Variants in TRPC6 observed in about 807,000 individuals in gnomAD.
TRPC6 encodes transient receptor potential cation channel subfamily C member 6.
In TRPC6, 55 loss-of-function variants were observed where a neutral mutation model predicts 90.7. The observed-to-expected ratio is 0.61, with a 90% CI of 0.49 to 0.76. The LOEUF is 0.76. Ranked by LOEUF, TRPC6 falls within the 30% of genes least tolerant of loss-of-function variation. TRPC6 has a pLI of 0.00. For synonymous variants in TRPC6, 393 were observed against 393.0 expected (o/e 1.00, Z 0.00); for missense variants, 989 against 1,122.7 (o/e 0.88, Z 1.70).
chr11:101,578,996 A>G (rs2136901858), intron 1 of TRPC6, among the ~76,000 whole-genome samples: 1 of 152,204 alleles, frequency 6.6e-6, no homozygotes, highest in African/African-American at 2.4e-5. Context: ...TTACAATAAT[A>G]TTGGTATACT....
At position 101,526,440 on chromosome 11, in the gene TRPC6, GTCAAGA is replaced by G. The variant is rs1860781060; in HGVS notation, c.171-21648_171-21643del. Among the ~76,000 whole-genome samples the G allele has an allele frequency of 1.3e-5, 2 of 152,132 alleles. 1 individual carries two copies. Among genetic ancestry groups the G allele is most frequent in the South Asian group, 4.1e-4 (2 of 4,832 alleles). ...TTTAGTTTCTCTTCCTTCTTTTAAA[GTCAAGA>G]TCAATAAGTATAGTTGTTTTCTTAC... On this transcript the variant is annotated intron_variant, in intron 1 of 12. Transcript: ENST00000344327.
chr11:101,575,940 T>G (rs1167909899), intron 1 of TRPC6, among the ~76,000 whole-genome samples: 1 of 152,114 alleles, frequency 6.6e-6, no homozygotes, highest in East Asian at 1.9e-4. Context: ...GTGAGTGCGC[T>G]TTTGAAGAGC....
At chr11:101,548,356 AT>A (rs1429488479) in intron 1 of TRPC6, among the ~76,000 whole-genome samples, 2 of 142,806 alleles carry the variant, frequency 1.4e-5, no homozygotes, top group Non-Finnish European at 3.0e-5. Flanking sequence ...TAATTATATA[AT>A]TATATCTTAT....
At chr11:101,499,953 G>GTATATATATACACAGTATAAAATGTGTA (rs1860066423) in intron 2 of TRPC6, among the ~76,000 whole-genome samples, 2 of 84,972 alleles carry the variant, frequency 2.4e-5, no homozygotes, top group Admixed American at 1.1e-4. Flanking sequence ...TATAAAATGT[G>GTATATATATACACAGTATAAAATGTGTA]TATATATATA....
chr11:101,512,975 G>A (rs7927859), intron 1 of TRPC6, among the ~76,000 whole-genome samples: 74,219 of 152,016 alleles, frequency 0.49, 18,508 homozygotes, highest in African/African-American at 0.55. Flanking sequence ...AACTCTAGGA[G>A]TATGTGTGCA....
At chr11:101,574,488 CA>C (rs1253707824) in intron 1 of TRPC6, among the ~76,000 whole-genome samples, 1 of 151,166 alleles carries the variant, frequency 6.6e-6, no homozygotes, top group Admixed American at 6.6e-5. Flanking sequence ...ATATGGTATT[CA>C]TTGGTTACCC....
chr11:101,457,306 AT>A (rs539440617), intron 10 of TRPC6, among the ~76,000 whole-genome samples: 2 of 152,070 alleles, frequency 1.3e-5, no homozygotes, highest in Non-Finnish European at 2.9e-5. Flanking sequence ...CTTCTACCAC[AT>A]TTTATGCATT....
At chr11:101,484,420 A>G (rs2136693239) in intron 4 of TRPC6, among the ~76,000 whole-genome samples, 1 of 152,316 alleles carries the variant, frequency 6.6e-6, no homozygotes, top group East Asian at 1.9e-4. Context: ...GATAAATGCT[A>G]TCATGGAAGG....
chr11:101,536,534 G>C (rs868813863), intron 1 of TRPC6, among the ~76,000 whole-genome samples: 2 of 152,262 alleles, frequency 1.3e-5, no homozygotes, highest in South Asian at 4.1e-4. Flanking sequence ...TCTTCCTGGA[G>C]ACAATGATTT....
intron 1 of TRPC6, among the ~76,000 whole-genome samples, chr11:101,578,160 C>A (rs957748094): frequency 1.3e-5 from 2 of 152,150 alleles, no homozygotes; most frequent in African/African-American, 4.8e-5. Flanking sequence ...GGCTTACATT[C>A]TAGTCAGAGG....
intron 1 of TRPC6, among the ~76,000 whole-genome samples, chr11:101,538,608 A>G (rs1861105287): frequency 6.6e-6 from 1 of 152,184 alleles, no homozygotes; most frequent in Admixed American, 6.5e-5. Context: ...GTCTGGAGAT[A>G]TTTTCCTGGA....
At chr11:101,561,346 C>G (rs1861707345) in intron 1 of TRPC6, among the ~76,000 whole-genome samples, 1 of 152,142 alleles carries the variant, frequency 6.6e-6, no homozygotes, top group African/African-American at 2.4e-5. Flanking sequence ...GCTAAAAGAG[C>G]AAGTTCATTA....
At chr11:101,496,259 C>G (rs142155210) in intron 2 of TRPC6, among the ~76,000 whole-genome samples, 1 of 152,110 alleles carries the variant, frequency 6.6e-6, no homozygotes, top group Non-Finnish European at 1.5e-5. Flanking sequence ...GGACACAAAT[C>G]CAAACCATAT....
At chr11:101,556,776 C>A (rs544864554) in intron 1 of TRPC6, among the ~76,000 whole-genome samples, 2 of 152,212 alleles carry the variant, frequency 1.3e-5, no homozygotes, top group East Asian at 3.9e-4. Flanking sequence ...AGGCCAGTAC[C>A]CTCAATGAAC....
intron 10 of TRPC6, among the ~76,000 whole-genome samples, chr11:101,456,456 C>G (rs1858885682): frequency 6.6e-6 from 1 of 152,158 alleles, no homozygotes; most frequent in Admixed American, 6.5e-5. Flanking sequence ...GAAGCTCCCA[C>G]TAAGCCCATT....
At chr11:101,464,662 C>T (rs944760121) in intron 10 of TRPC6, among the ~76,000 whole-genome samples, 15 of 152,140 alleles carry the variant, frequency 9.9e-5, no homozygotes, top group African/African-American at 3.6e-4. Flanking sequence ...TCCTCCATCC[C>T]TTTATTTTGA....
At chr11:101,471,161 A>T (rs1385678730) in intron 9 of TRPC6, 22 bp downstream of exon 9, 1 of 1,609,430 alleles carries the variant, frequency 6.2e-7, no homozygotes, top group Non-Finnish European at 8.5e-7. Flanking sequence ...GAATACAATG[A>T]TAACTTATCA....
intron 1 of TRPC6, among the ~76,000 whole-genome samples, chr11:101,505,241 A>C (rs545400232): frequency 6.6e-6 from 1 of 152,210 alleles, no homozygotes; most frequent in African/African-American, 2.4e-5. Flanking sequence ...CTCTGATGCC[A>C]GGTCTAGGAA....
Position 101,488,906 on chromosome 11 carries a change from G to C in TRPC6, c.1293+31C>G, listed in dbSNP as rs199737736. On this transcript the variant is annotated intron_variant, in intron 4 of 12. Transcript: ENST00000344327. The stretch of plus-strand genomic sequence containing the variant: ...CCCCACTTAAAACATATTTCTAGTA[G>C]ATAATAGAGGTCCAGGCTTCACATA... 4 of 1,613,344 alleles carry C rather than the reference G, an allele frequency of 2.5e-6. No individual in the cohort carries two copies. The East Asian group carries it at 8.9e-5, about 36-fold the overall frequency.
Sources: allele counts gnomAD v4.1 joint callset (sites outside exome capture counted in the v4.1 genomes callset), GRCh38; gene constraint gnomAD v4.1.1; transcripts MANE v1.5; gene names NCBI Gene and HGNC (gene_info 2026-07-23, HGNC 2026-07-21).